The following ZSWIM6 variants were observed in gnomAD, a reference collection of about 807,000 sequenced individuals.
ZSWIM6 encodes the protein zinc finger SWIM-type containing 6.
A neutral mutation model predicts 113.2 loss-of-function variants in ZSWIM6; 9 were observed. That is an observed-to-expected ratio of 0.08 (90% CI 0.05 to 0.14). The LOEUF (loss-of-function observed/expected upper bound fraction) is 0.14, where lower values mean the gene tolerates loss of function less well. ZSWIM6 is among the 10% of genes least tolerant of loss of function. ZSWIM6 has a pLI of 1.00. For synonymous variants in ZSWIM6, 611 were observed against 606.5 expected, an observed-to-expected ratio of 1.01 and a Z score of -0.11; for missense variants, 1,162 against 1,552.2, an observed-to-expected ratio of 0.75 and a Z score of 4.22.
At chr5:61,437,005 T>C (rs528088833) in intron 1 of ZSWIM6, among the ~76,000 whole-genome samples, 1 of 152,252 alleles carries the variant, frequency 6.6e-6, no homozygotes, top group African/African-American at 2.4e-5. Context: ...CCTTCCTACC[T>C]CCTCAAACTG....
intron 1 of ZSWIM6, among the ~76,000 whole-genome samples, chr5:61,356,393 A>C (rs1385753434): frequency 6.6e-6 from 1 of 152,128 alleles, no homozygotes; most frequent in Non-Finnish European, 1.5e-5. Context: ...AGTTATTTAC[A>C]ATGAGTTAGA....
chr5:61,538,917 C>G lies in ZSWIM6; in HGVS notation c.2485C>G (p.His829Asp), dbSNP rs1257408851. The part of the protein sequence containing the change: ...NRYPRWFTLS[H>D]IESQQCELAS... ...CTACCCTCGCTGGTTCACTCTAAGCCACATTGAGTCCCAGCAGTGTGAGCT... is the reference window on the plus strand; with the variant it reads ...CTACCCTCGCTGGTTCACTCTAAGCGACATTGAGTCCCAGCAGTGTGAGCT... The change falls in exon 11 of 14, where the codon CAC becomes GAC. Residue 829 changes from histidine (H) to aspartate (D), a missense_variant. By Grantham distance (81) the His-to-Asp change is moderately conservative. Coordinates refer to ENST00000252744, the MANE Select transcript of ZSWIM6 (RefSeq NM_020928.2). 1.3e-6 allele frequency: 2 copies of G among 1,552,170 alleles called. No homozygotes were observed. The highest frequency in any genetic ancestry group is 1.7e-6 in the Non-Finnish European group (2 of 1,147,086).
At chr5:61,419,346 A>G (rs1561229982) in intron 1 of ZSWIM6, among the ~76,000 whole-genome samples, 1 of 152,234 alleles carries the variant, frequency 6.6e-6, no homozygotes, top group Non-Finnish European at 1.5e-5. Context: ...TGTTGATGGT[A>G]TCACATCCAT....
intron 1 of ZSWIM6, chr5:61,391,180 A>T: frequency 1.2e-6 from 1 of 822,528 alleles, no homozygotes. Flanking sequence ...ACGACTGGTG[A>T]CCCCTTTGTA....
At chr5:61,339,704 C>G (rs1325005321) in intron 1 of ZSWIM6, among the ~76,000 whole-genome samples, 2 of 152,096 alleles carry the variant, frequency 1.3e-5, no homozygotes, top group Admixed American at 1.3e-4. Flanking sequence ...GGGTTATAGG[C>G]AGGTCTTTTT....
chr5:61,379,619 A>G (rs1034584052), intron 1 of ZSWIM6, among the ~76,000 whole-genome samples: 1 of 152,100 alleles, frequency 6.6e-6, no homozygotes, highest in Non-Finnish European at 1.5e-5. Context: ...TCTTTTAGGA[A>G]TTTTTCATTT....
chr5:61,451,908 G>A (rs1023170854), intron 1 of ZSWIM6, among the ~76,000 whole-genome samples: 1 of 152,066 alleles, frequency 6.6e-6, no homozygotes, highest in African/African-American at 2.4e-5. Context: ...TACCCTTTTA[G>A]TAGTTACAAA....
At chr5:61,406,715 T>TTTATTTATTTAC (rs1371629376) in intron 1 of ZSWIM6, among the ~76,000 whole-genome samples, 2 of 151,368 alleles carry the variant, frequency 1.3e-5, no homozygotes, top group Non-Finnish European at 2.9e-5. Context: ...TATTTATTTA[T>TTTATTTATTTAC]TTATTTATTT....
At chr5:61,436,150 G>A (rs559199846) in intron 1 of ZSWIM6, among the ~76,000 whole-genome samples, 1 of 150,760 alleles carries the variant, frequency 6.6e-6, no homozygotes, top group African/African-American at 2.4e-5. Context: ...ACAGTGAGCC[G>A]AGATTGCGCC....
intron 1 of ZSWIM6, among the ~76,000 whole-genome samples, chr5:61,390,115 T>C (rs1210904868): frequency 6.6e-6 from 1 of 152,206 alleles, no homozygotes; most frequent in African/African-American, 2.4e-5. Context: ...TGCCAGCCAG[T>C]CGTCTGCCTG....
intron 7 of ZSWIM6, 32 bp from the exon 8 acceptor site, chr5:61,530,020 C>T (rs1484557950): frequency 6.6e-7 from 1 of 1,519,918 alleles, no homozygotes; most frequent in Non-Finnish European, 8.9e-7. Context: ...CCCTTCTACT[C>T]CCCCATTTCT....
chr5:61,420,068 C>T (rs1746325211), intron 1 of ZSWIM6, among the ~76,000 whole-genome samples: 1 of 152,186 alleles, frequency 6.6e-6, no homozygotes, highest in African/African-American at 2.4e-5. Flanking sequence ...TTAGAAAGTA[C>T]TTTATAAACT....
At chr5:61,419,066 C>G (rs1013901898) in intron 1 of ZSWIM6, among the ~76,000 whole-genome samples, 2 of 152,236 alleles carry the variant, frequency 1.3e-5, no homozygotes, top group Non-Finnish European at 2.9e-5. Flanking sequence ...AGGTGATCCC[C>G]CTGCCTTGGC....
At chr5:61,489,345 A>G (rs1276187023) in intron 2 of ZSWIM6, among the ~76,000 whole-genome samples, 1 of 152,012 alleles carries the variant, frequency 6.6e-6, no homozygotes, top group African/African-American at 2.4e-5. Flanking sequence ...TCTTCCTCTG[A>G]GCAGTTATTA....
In ZSWIM6 at chr5:61,472,590, T is replaced by G. The variant is rs1022397830; in HGVS notation, c.677-91T>G. The G allele has an allele frequency of 2.0e-6, 2 of 1,023,510 alleles. No individual in the cohort carries two copies. The highest frequency in any genetic ancestry group is 2.7e-6 in the Non-Finnish European group (2 of 738,084). 63.4% of individuals were successfully genotyped at this position (1,023,510 alleles called of 1,614,324 possible). A position where few individuals can be genotyped will look rare whatever the true frequency, so the allele number is the denominator to read the frequency against. On this transcript the variant is annotated intron_variant, in intron 1 of 13. Coordinates refer to ENST00000252744, the MANE Select transcript of ZSWIM6 (RefSeq NM_020928.2). The surrounding 1 kb of genome is among the most constrained non-coding windows in gnomAD (Gnocchi z 4.1). ...GGCTGTCATATTTTTTTCTTGCTGCTGTCAAGTCCCACACATTTCAAAGAA... is the reference window on the plus strand; with the variant it reads ...GGCTGTCATATTTTTTTCTTGCTGCGGTCAAGTCCCACACATTTCAAAGAA...
chr5:61,340,318 T>G (rs1251422936), intron 1 of ZSWIM6, among the ~76,000 whole-genome samples: 4 of 152,208 alleles, frequency 2.6e-5, no homozygotes, highest in Admixed American at 2.0e-4. Context: ...ACTAATTTTG[T>G]GTCAGCTAAT....
Position 61,472,654 on chromosome 5 carries a change from C to T in ZSWIM6, c.677-27C>T. 1 of 1,451,060 alleles carries T rather than the reference C, an allele frequency of 6.9e-7. No homozygotes were observed. Among genetic ancestry groups the T allele is most frequent in the Non-Finnish European group, 9.2e-7 (1 of 1,087,894 alleles). The allele number at this position is 1,451,060 out of a possible 1,614,324, so 89.9% of individuals were successfully genotyped here. A position where few individuals can be genotyped will look rare whatever the true frequency, so the allele number is the denominator to read the frequency against. On this transcript the variant is annotated intron_variant, in intron 1 of 13. Transcript: ENST00000252744. This position sits in a 1 kb window ranked among gnomAD's most constrained non-coding sequence, Gnocchi z 4.1. ...TAGCATCTGAATGCAGAAGCTAAAC[C>T]CTCCCTTTCTTTCTTTCACCCTCAA...
chr5:61,445,355 A>C (rs1746928480), intron 1 of ZSWIM6, among the ~76,000 whole-genome samples: 1 of 152,234 alleles, frequency 6.6e-6, no homozygotes, highest in Non-Finnish European at 1.5e-5. Context: ...AAAGAGCATC[A>C]TCATACATCT....
rs1442473071 is a variant in ZSWIM6, at chr5:61,544,248, T to C, written c.3579T>C (p.Ile1193=). The C allele has an allele frequency of 1.3e-6, 2 of 1,549,216 alleles. No individual in the cohort carries two copies. The highest frequency in any genetic ancestry group is 2.0e-5 in the Admixed American group (1 of 50,440). ...GACACATTCAGTTTACACAGTTTAT[T>C]GACAACCTGAAACAAATCTACAAAG... ...HDGHIQFTQF[I]DNLKQIYKGK... The change falls in exon 14 of 14, where the codon ATT becomes ATC. Residue 1193 remains isoleucine, a synonymous_variant. Coordinates refer to ENST00000252744, the MANE Select transcript of ZSWIM6 (RefSeq NM_020928.2).
Sources: allele counts gnomAD v4.1 joint callset (sites outside exome capture counted in the v4.1 genomes callset), GRCh38; gene constraint gnomAD v4.1.1; non-coding constraint Gnocchi (gnomAD v3.1); transcripts MANE v1.5; gene names NCBI Gene and HGNC (gene_info 2026-07-23, HGNC 2026-07-21).